DOCK5: variants seen among roughly 807,000 people sequenced by gnomAD.
DOCK5 encodes the protein dedicator of cytokinesis 5, also known as dedicator of cytokinesis protein 5.
In DOCK5, 142 loss-of-function variants were observed where a neutral mutation model predicts 251.8. That is an observed-to-expected ratio of 0.56 (90% confidence interval 0.49 to 0.65). The LOEUF is 0.65. Among genes scored for constraint, DOCK5 ranks in the 30% least tolerant of loss-of-function variants. DOCK5 has a pLI of 0.00. For synonymous variants in DOCK5, 842 were observed against 835.5 expected, an observed-to-expected ratio of 1.01 and a Z score of -0.13; for missense variants, 2,111 against 2,312.3, an observed-to-expected ratio of 0.91 and a Z score of 1.79.
chr8:25,272,862 ATTGT>A (rs1415286974), intron 3 of DOCK5, among the ~76,000 whole-genome samples: 1 of 151,954 alleles, frequency 6.6e-6, no homozygotes, highest in Admixed American at 6.6e-5. Flanking sequence ...CTAACTTCCT[ATTGT>A]TCCCTATCCC....
chr8:25,274,466 A>G (rs1372295939), intron 3 of DOCK5, among the ~76,000 whole-genome samples: 5 of 152,166 alleles, frequency 3.3e-5, no homozygotes, highest in African/African-American at 4.8e-5. Flanking sequence ...GGTACACATA[A>G]CACTCACATC....
chr8:25,265,765 T>C (rs1163781444), intron 2 of DOCK5, among the ~76,000 whole-genome samples: 1 of 151,918 alleles, frequency 6.6e-6, no homozygotes, highest in Admixed American at 6.5e-5. Flanking sequence ...GGACAGAAAG[T>C]GTGCAGGAGC....
chr8:25,252,412 G>T (rs114338457), intron 2 of DOCK5, among the ~76,000 whole-genome samples: 1,955 of 152,278 alleles, frequency 0.013, 48 homozygotes, highest in African/African-American at 0.043. Flanking sequence ...AAAGTTTATT[G>T]TAATTCAAAA....
intron 7 of DOCK5, among the ~76,000 whole-genome samples, 174 bp downstream of exon 7, chr8:25,296,822 A>T (rs748359570): frequency 6.6e-6 from 1 of 152,100 alleles, no homozygotes; most frequent in Non-Finnish European, 1.5e-5. Flanking sequence ...ATATGTTCTG[A>T]TATGGAAAGA....
At chr8:25,239,749 G>A (rs1011783568) in intron 1 of DOCK5, among the ~76,000 whole-genome samples, 7 of 152,112 alleles carry the variant, frequency 4.6e-5, no homozygotes, top group African/African-American at 9.7e-5. Context: ...CTTCTGAATC[G>A]CGTGCGATTT....
At chr8:25,287,430 A>G (rs1311686690) in intron 5 of DOCK5, among the ~76,000 whole-genome samples, 1 of 152,202 alleles carries the variant, frequency 6.6e-6, no homozygotes, top group East Asian at 1.9e-4. Flanking sequence ...CATTAAAAAA[A>G]AAAGTTATAA....
rs202083309 is a variant in DOCK5, at chr8:25,403,558, C to A, written c.4927C>A (p.Pro1643Thr). Residue 1643 changes from proline to threonine, a missense_variant and splice_region_variant, in exon 48 of 52, where the codon CCA (proline) becomes ACA (threonine). Around this residue, in one of 3 missense-constraint regions of DOCK5, gnomAD observed 1,717 missense variants for 1,892.4 expected, o/e 0.91. Transcript: ENST00000276440. ...ACCATGTGGAGTCATATGTTTTCAG[C>A]CACCCAACTTGACGGAGAGGAAGCA... ...VEKHYGVITL[P>T]PNLTERKQSR... 6 of 1,613,354 alleles carry A rather than the reference C, an allele frequency of 3.7e-6. No homozygotes were observed. The African/African-American group carries it at 4.0e-5, about 11-fold the overall frequency.
At chr8:25,355,380 A>G (rs543227867) in intron 27 of DOCK5, among the ~76,000 whole-genome samples, 1 of 152,256 alleles carries the variant, frequency 6.6e-6, no homozygotes, top group Non-Finnish European at 1.5e-5. Context: ...AATGACCAGC[A>G]TATCTACAAA....
intron 24 of DOCK5, 118 bp downstream of exon 24, chr8:25,341,927 C>A: frequency 2.5e-6 from 2 of 790,458 alleles, no homozygotes; most frequent in Non-Finnish European, 4.0e-6. Flanking sequence ...AACTGAATAC[C>A]TTTTTGTGCT....
intron 47 of DOCK5, among the ~76,000 whole-genome samples, chr8:25,402,150 A>G (rs1484338449): frequency 6.6e-6 from 1 of 152,036 alleles, no homozygotes; most frequent in African/African-American, 2.4e-5. Context: ...TGTTTTTGAG[A>G]CAGGATCTCT....
intron 3 of DOCK5, among the ~76,000 whole-genome samples, chr8:25,270,337 G>A (rs1171521160): frequency 6.6e-6 from 1 of 152,170 alleles, no homozygotes; most frequent in Non-Finnish European, 1.5e-5. Flanking sequence ...GAACTAAAGT[G>A]AAAGCTTTTC....
chr8:25,317,146 C>G lies in DOCK5; in HGVS notation c.1443+15C>G. The G allele has an allele frequency of 1.9e-6, 3 of 1,606,164 alleles. No homozygotes were observed. The highest frequency in any genetic ancestry group is 2.5e-6 in the Non-Finnish European group (3 of 1,176,836). Reference sequence around the variant, plus strand: ...AGCTCTTGGAGGTGCGCGGCATGGCCCAGAAATCCTGCTACCATCGCATCC... The same window carrying G: ...AGCTCTTGGAGGTGCGCGGCATGGCGCAGAAATCCTGCTACCATCGCATCC... On this transcript the variant is annotated intron_variant, in intron 14 of 51. Coordinates refer to ENST00000276440, the MANE Select transcript of DOCK5 (RefSeq NM_024940.8).
In DOCK5 at chr8:25,401,020, G is replaced by A. The variant is rs773681650; in HGVS notation, c.4880G>A (p.Arg1627Gln). The stretch of plus-strand genomic sequence containing the variant: ...CATGAGCGGTTGTCTTCTTGCTTCC[G>A]GGAACTCAAGGAGAAAGTAGAAAAG... The part of the protein sequence containing the change: ...PLHERLSSCF[R>Q]ELKEKVEKHY... Residue 1627 changes from arginine (R) to glutamine (Q), a missense_variant, in exon 47 of 52, where the codon CGG becomes CAG. Physicochemically the swap from Arg to Gln is conservative, Grantham distance 43 (BLOSUM62 1). This residue lies in a region of DOCK5 where 1,717 missense variants were observed against 1,892.4 expected (regional missense o/e 0.91). Transcript: ENST00000276440. The A allele has an allele frequency of 1.5e-5, 25 of 1,613,892 alleles. 1 individual carries two copies. In the South Asian group the frequency reaches 2.2e-4, roughly 14 times the overall value.
In DOCK5 at chr8:25,363,036, G is replaced by T. The variant is rs376974756; in HGVS notation, c.2950-11G>T. ...CCAGTTTTCCCCCAACCACTCCTCT[G>T]TTCTCCGCAGGACTTCCTCATGGAA... On this transcript the variant is annotated splice_polypyrimidine_tract_variant and intron_variant, in intron 28 of 51. Transcript: ENST00000276440. 1.2e-6 allele frequency: 2 copies of T among 1,611,930 alleles called. No homozygotes were observed. Among genetic ancestry groups the T allele is most frequent in the African/African-American group, 2.7e-5 (2 of 74,870 alleles).
intron 28 of DOCK5, 51 bp from the exon 29 acceptor site, chr8:25,362,996 G>A: frequency 7.2e-7 from 1 of 1,394,122 alleles, no homozygotes; most frequent in Non-Finnish European, 1.0e-6. Flanking sequence ...CCAGAATAAA[G>A]ACTATGAACG....
chr8:25,219,744 TTCTG>T (rs1043361743), intron 1 of DOCK5, among the ~76,000 whole-genome samples: 7 of 151,918 alleles, frequency 4.6e-5, no homozygotes, highest in African/African-American at 1.7e-4. Context: ...ACTTTTGACT[TTCTG>T]TCCCCTTCAA....
intron 7 of DOCK5, among the ~76,000 whole-genome samples, chr8:25,298,387 A>G (rs889320054): frequency 1.2e-4 from 19 of 152,074 alleles, no homozygotes; most frequent in African/African-American, 4.6e-4. Flanking sequence ...TAAGACAAGC[A>G]CCTCTTGGAG....
At chr8:25,336,166 C>T in intron 21 of DOCK5, 73 bp from the exon 22 acceptor site, 1 of 1,516,854 alleles carries the variant, frequency 6.6e-7, no homozygotes, top group Non-Finnish European at 9.0e-7. Flanking sequence ...ATGTTCCCCT[C>T]TTAGATAACT....
At chr8:25,400,558 A>T (rs1801421675) in intron 46 of DOCK5, among the ~76,000 whole-genome samples, 1 of 151,388 alleles carries the variant, frequency 6.6e-6, no homozygotes, top group African/African-American at 2.4e-5. Context: ...CAGCTGAGAG[A>T]TGCTGGCCTC....
Sources: gnomAD v4.1 joint callset for allele counts (sites outside exome capture counted in the v4.1 genomes callset) on GRCh38, gnomAD v4.1.1 for gene constraint, gnomAD v4.1.1 regional missense constraint, MANE v1.5 for transcripts, NCBI Gene and HGNC (gene_info 2026-07-23, HGNC 2026-07-21) for gene names.